CLCN3: variants seen among roughly 807,000 people sequenced by gnomAD.
The protein encoded by CLCN3 is H(+)/Cl(-) exchange transporter 3.
A neutral mutation model predicts 83.4 loss-of-function variants in CLCN3; 16 were observed. That is an observed-to-expected ratio of 0.19 (90% CI 0.13 to 0.29). The LOEUF is 0.29. Ranked by LOEUF, CLCN3 falls within the 10% of genes least tolerant of loss-of-function variation. The pLI, the probability that CLCN3 is intolerant of heterozygous loss-of-function variation, is 1.00. For missense variants in CLCN3, 544 were observed against 1,006.0 expected, an observed-to-expected ratio of 0.54 and a Z score of 6.21; for synonymous variants, 322 against 346.2, an observed-to-expected ratio of 0.93 and a Z score of 0.78.
chr4:169,715,842 C>CT (rs765595487), intron 12 of CLCN3, among the ~76,000 whole-genome samples: 53 of 151,900 alleles, frequency 3.5e-4, no homozygotes, highest in Admixed American at 2.3e-3. Flanking sequence ...TTGTGACTGT[C>CT]TAAGTTTGGA....
intron 3 of CLCN3, among the ~76,000 whole-genome samples, chr4:169,681,282 A>G (rs1731927661): frequency 6.6e-6 from 1 of 152,224 alleles, no homozygotes; most frequent in Admixed American, 6.5e-5. Flanking sequence ...TCCTGGCCTC[A>G]AGTGATTGGC....
intron 2 of CLCN3, among the ~76,000 whole-genome samples, chr4:169,644,367 C>G (rs1445452300): frequency 6.6e-6 from 1 of 151,282 alleles, no homozygotes; most frequent in Non-Finnish European, 1.5e-5. Context: ...AAGCAATTCT[C>G]GTGCTTTGGC....
intron 2 of CLCN3, among the ~76,000 whole-genome samples, chr4:169,648,894 G>A (rs139185764): frequency 6.8e-4 from 103 of 152,196 alleles, no homozygotes; most frequent in African/African-American, 2.4e-3. Flanking sequence ...AGGTGTGGTG[G>A]TGCACACCTG....
intron 1 of CLCN3, among the ~76,000 whole-genome samples, chr4:169,624,558 T>A (rs1581178829): frequency 6.6e-6 from 1 of 152,164 alleles, no homozygotes; most frequent in African/African-American, 2.4e-5. Context: ...CATGAGCCAC[T>A]GCACTGGGCT....
At chr4:169,717,433 AACATT>A (rs1733467949) in intron 12 of CLCN3, among the ~76,000 whole-genome samples, 1 of 152,194 alleles carries the variant, frequency 6.6e-6, no homozygotes, top group Non-Finnish European at 1.5e-5. Flanking sequence ...CTGAGGAAAG[AACATT>A]GTAAATGAAA....
At chr4:169,646,889 A>C (rs1263740583) in intron 2 of CLCN3, among the ~76,000 whole-genome samples, 1 of 152,236 alleles carries the variant, frequency 6.6e-6, no homozygotes, top group Non-Finnish European at 1.5e-5. Context: ...TATTCTACCT[A>C]CCTGATTCAG....
chr4:169,707,136 C>T lies in CLCN3; in HGVS notation c.2019C>T (p.Asp673=). 1 of 1,614,034 alleles carries T rather than the reference C, an allele frequency of 6.2e-7. No individual in the cohort carries two copies. Among genetic ancestry groups the T allele is most frequent in the Non-Finnish European group, 8.5e-7 (1 of 1,179,966 alleles). ...CTCCCTTAGCTGTCCTGACACAGGA[C>T]AATATGACAGTGGATGATATAGAAA... is the stretch of plus-strand genomic sequence containing the variant. ...NDPPLAVLTQ[D]NMTVDDIENM... Residue 673 remains aspartate (D), a synonymous_variant, in exon 11 of 13, where the codon GAC becomes GAT. Coordinates refer to ENST00000513761, the MANE Select transcript of CLCN3 (RefSeq NM_001829.4).
intron 7 of CLCN3, 129 bp downstream of exon 7, chr4:169,692,449 T>C (rs1732408244): frequency 2.6e-6 from 1 of 390,206 alleles, no homozygotes; most frequent in African/African-American, 2.1e-5. Context: ...TTTGTGCTTC[T>C]GTTTTTCCTG....
At chr4:169,715,258 T>C (rs537412471) in intron 12 of CLCN3, among the ~76,000 whole-genome samples, 2 of 152,196 alleles carry the variant, frequency 1.3e-5, no homozygotes, top group African/African-American at 2.4e-5. Context: ...AATAACGAAG[T>C]GTATAGAGCG....
intron 11 of CLCN3, among the ~76,000 whole-genome samples, chr4:169,710,764 G>A (rs1733181889): frequency 6.6e-6 from 1 of 152,132 alleles, no homozygotes; most frequent in Non-Finnish European, 1.5e-5. Flanking sequence ...GTTTAAGATT[G>A]ATAATTGGGG....
intron 1 of CLCN3, among the ~76,000 whole-genome samples, chr4:169,631,818 A>G (rs990236193): frequency 2.6e-5 from 4 of 152,180 alleles, no homozygotes; most frequent in Non-Finnish European, 4.4e-5. Flanking sequence ...CGAACTAGAA[A>G]ATCTAGAGGA....
intron 1 of CLCN3, among the ~76,000 whole-genome samples, chr4:169,632,882 GAAAA>G (rs199780429): frequency 5.3e-5 from 8 of 150,764 alleles, no homozygotes; most frequent in Non-Finnish European, 8.9e-5. Flanking sequence ...TTACTTTTTG[GAAAA>G]AAAAACTGTG....
At chr4:169,622,953 T>C (rs1003645347) in intron 1 of CLCN3, among the ~76,000 whole-genome samples, 9 of 152,234 alleles carry the variant, frequency 5.9e-5, no homozygotes, top group African/African-American at 2.2e-4. Flanking sequence ...ATTTTAATTT[T>C]TTAAATATGC....
chr4:169,657,401 T>G (rs747325142), intron 2 of CLCN3, among the ~76,000 whole-genome samples: 5 of 152,204 alleles, frequency 3.3e-5, no homozygotes, highest in African/African-American at 7.2e-5. Context: ...TTTTCCTGAT[T>G]ACATTTTTGA....
chr4:169,714,802 T>G (rs558495513), intron 12 of CLCN3, among the ~76,000 whole-genome samples: 1 of 152,228 alleles, frequency 6.6e-6, no homozygotes, highest in South Asian at 2.1e-4. Flanking sequence ...GGCAGGGAGT[T>G]TAGAATTATT....
chr4:169,629,351 A>G (rs1773310539), intron 1 of CLCN3, among the ~76,000 whole-genome samples: 1 of 152,222 alleles, frequency 6.6e-6, no homozygotes, highest in Non-Finnish European at 1.5e-5. Flanking sequence ...TAATTAAAAA[A>G]ATTGAACATC....
At chr4:169,660,356 T>G (rs1163411203) in intron 2 of CLCN3, 1 of 1,391,764 alleles carries the variant, frequency 7.2e-7, no homozygotes, top group Non-Finnish European at 9.2e-7. Flanking sequence ...TTCTTCTATT[T>G]AAAAATTCTA....
At chr4:169,680,287 A>T in intron 3 of CLCN3, 80 bp downstream of exon 3, 1 of 969,316 alleles carries the variant, frequency 1.0e-6, no homozygotes, top group Non-Finnish European at 1.5e-6. Flanking sequence ...CAATGATCTC[A>T]GGCTGCCAAA....
chr4:169,701,277 T>C (rs967631404), intron 9 of CLCN3, among the ~76,000 whole-genome samples: 1 of 152,230 alleles, frequency 6.6e-6, no homozygotes, highest in Non-Finnish European at 1.5e-5. Flanking sequence ...TTCAAGTTTT[T>C]TAAATGAGAT....
Sources: gnomAD v4.1 joint callset for allele counts (sites outside exome capture counted in the v4.1 genomes callset) on GRCh38, gnomAD v4.1.1 for gene constraint, MANE v1.5 for transcripts, NCBI Gene and HGNC (gene_info 2026-07-23, HGNC 2026-07-21) for gene names.